SUCLG2: variants seen among roughly 807,000 people sequenced by gnomAD.
SUCLG2 encodes succinate-CoA ligase GDP-forming subunit beta, also known as succinate--CoA ligase [GDP-forming] subunit beta, mitochondrial.
A neutral mutation model predicts 47.9 loss-of-function variants in SUCLG2; 42 were observed. The observed-to-expected ratio is 0.88, with a 90% CI of 0.69 to 1.14. The LOEUF (loss-of-function observed/expected upper bound fraction) is 1.14, where lower values mean the gene tolerates loss of function less well. Among genes scored for constraint, SUCLG2 ranks in the 50% most tolerant of loss-of-function variants. SUCLG2 has a pLI of 0.00. For synonymous variants in SUCLG2, 195 were observed against 197.3 expected, an observed-to-expected ratio of 0.99 and a Z score of 0.10; for missense variants, 571 against 525.9, an observed-to-expected ratio of 1.09 and a Z score of -0.84.
At chr3:67,602,865 C>G (rs6548659) in intron 2 of SUCLG2, among the ~76,000 whole-genome samples, 71,323 of 151,954 alleles carry the variant, frequency 0.47, 17,350 homozygotes, top group African/African-American at 0.58. Flanking sequence ...AACTCTAGCT[C>G]AAATAAGCAT....
intron 9 of SUCLG2, among the ~76,000 whole-genome samples, chr3:67,437,503 G>A (rs768090001): frequency 2.0e-5 from 3 of 151,970 alleles, no homozygotes; most frequent in Non-Finnish European, 2.9e-5. Context: ...TTGGTAATAC[G>A]GCTTATTCAT....
chr3:67,451,295 C>T (rs1186759732), intron 9 of SUCLG2, among the ~76,000 whole-genome samples: 1 of 152,178 alleles, frequency 6.6e-6, no homozygotes, highest in Non-Finnish European at 1.5e-5. Flanking sequence ...GAGACATGCT[C>T]AAGTATTTTA....
chr3:67,530,160 T>C (rs1706363071), intron 2 of SUCLG2, among the ~76,000 whole-genome samples: 1 of 152,210 alleles, frequency 6.6e-6, no homozygotes, highest in Non-Finnish European at 1.5e-5. Flanking sequence ...TATACCAGAT[T>C]TAGAATCTGC....
intron 9 of SUCLG2, among the ~76,000 whole-genome samples, chr3:67,456,183 C>T (rs1455563703): frequency 6.6e-6 from 1 of 152,108 alleles, no homozygotes; most frequent in Non-Finnish European, 1.5e-5. Context: ...CGGGATTCAG[C>T]CTGGCCTTCC....
chr3:67,530,937 G>C (rs1465512977), intron 2 of SUCLG2, among the ~76,000 whole-genome samples: 1 of 152,184 alleles, frequency 6.6e-6, no homozygotes, highest in Non-Finnish European at 1.5e-5. Flanking sequence ...AGTAGTAAGA[G>C]CAAGGATATT....
intron 10 of SUCLG2, among the ~76,000 whole-genome samples, chr3:67,369,581 G>C (rs11719613): frequency 0.083 from 12,628 of 152,278 alleles, 667 homozygotes; most frequent in Middle Eastern, 0.14. Flanking sequence ...GAGGAAAGGA[G>C]AGGGTGGATG....
chr3:67,492,635 C>T (rs1250167816), intron 9 of SUCLG2, among the ~76,000 whole-genome samples: 1 of 152,036 alleles, frequency 6.6e-6, no homozygotes, highest in Non-Finnish European at 1.5e-5. Context: ...TCAAGCTCAG[C>T]TGGAAAATAA....
chr3:67,464,298 T>C (rs564301377), intron 9 of SUCLG2, among the ~76,000 whole-genome samples: 57 of 152,270 alleles, frequency 3.7e-4, no homozygotes, highest in African/African-American at 1.3e-3. Context: ...AACAGAAAAA[T>C]TCACAGCTCT....
rs1400436956 is a variant in SUCLG2 at position 67,518,377 on chromosome 3, A to T, written c.571-41T>A. On this transcript the variant is annotated intron_variant, in intron 5 of 10. Transcript: ENST00000307227. ...CAAATAAACAAAATTCAGACAGTCA[A>T]CTGAGAAGATTTACAACCTCAAAAG... 2.6e-6 allele frequency: 4 copies of T among 1,562,320 alleles called. No homozygotes were observed. In the South Asian group the frequency reaches 4.6e-5, roughly 18 times the overall value.
intron 10 of SUCLG2, among the ~76,000 whole-genome samples, chr3:67,382,218 A>C (rs1264681147): frequency 6.6e-6 from 1 of 152,196 alleles, no homozygotes; most frequent in Admixed American, 6.5e-5. Flanking sequence ...TCCTCAGAGC[A>C]ACCCTGCAGT....
intron 9 of SUCLG2, among the ~76,000 whole-genome samples, chr3:67,406,591 G>T (rs1050978770): frequency 6.6e-6 from 1 of 152,146 alleles, no homozygotes; most frequent in African/African-American, 2.4e-5. Flanking sequence ...ATGTATACAG[G>T]TGGAGGAACA....
At chr3:67,456,141 T>G (rs1445301607) in intron 9 of SUCLG2, among the ~76,000 whole-genome samples, 1 of 152,246 alleles carries the variant, frequency 6.6e-6, no homozygotes, top group Non-Finnish European at 1.5e-5. Context: ...TGGAATCATG[T>G]GATTGCTGTC....
chr3:67,628,125 A>G (rs1575828319), intron 1 of SUCLG2, among the ~76,000 whole-genome samples: 1 of 152,232 alleles, frequency 6.6e-6, no homozygotes, highest in Admixed American at 6.5e-5. Flanking sequence ...AAAAGCAGGA[A>G]TAGGAAGACA....
chr3:67,598,723 C>T (rs375764212), intron 2 of SUCLG2, among the ~76,000 whole-genome samples: 6 of 152,272 alleles, frequency 3.9e-5, no homozygotes, highest in South Asian at 2.1e-4. Context: ...CACTATTTAC[C>T]GTAACAGCAA....
At chr3:67,481,803 C>A (rs944395009) in intron 9 of SUCLG2, among the ~76,000 whole-genome samples, 11 of 152,232 alleles carry the variant, frequency 7.2e-5, no homozygotes, top group African/African-American at 2.4e-4. Context: ...AGGAAAGCCC[C>A]ATTGGAACCA....
intron 9 of SUCLG2, chr3:67,408,614 C>A: frequency 9.9e-7 from 1 of 1,008,356 alleles, no homozygotes; most frequent in South Asian, 4.5e-5. Context: ...GGAAATGGGT[C>A]TAATTAGACT....
Position 67,567,462 on chromosome 3 carries a change from G to GT in SUCLG2, c.227-38277dup, listed in dbSNP as rs529510865. ...AGGTGCACACCACCACACCTGGCTA[G>GT]TTTTTTTCGTTTTAACGTTTTGTCC... On this transcript the variant is annotated intron_variant, in intron 2 of 10. Transcript: ENST00000307227. Among the ~76,000 whole-genome samples the GT allele has an allele frequency of 3.2e-3, 493 of 151,968 alleles. 2 individuals carry two copies. The highest frequency in any genetic ancestry group is 0.011 in the African/African-American group (469 of 41,462).
intron 1 of SUCLG2, among the ~76,000 whole-genome samples, chr3:67,646,568 C>A: frequency 6.6e-6 from 1 of 151,726 alleles, no homozygotes; most frequent in Non-Finnish European, 1.5e-5. Flanking sequence ...GCACTCAAGC[C>A]TGGGCAAGAG....
chr3:67,471,562 C>A (rs1179418490), intron 9 of SUCLG2, among the ~76,000 whole-genome samples: 1 of 152,124 alleles, frequency 6.6e-6, no homozygotes, highest in Non-Finnish European at 1.5e-5. Context: ...ACAGAGAACT[C>A]TCCAGAAACG....
Sources: gnomAD v4.1 joint callset for allele counts (sites outside exome capture counted in the v4.1 genomes callset) on GRCh38, gnomAD v4.1.1 for gene constraint, MANE v1.5 for transcripts, NCBI Gene and HGNC (gene_info 2026-07-23, HGNC 2026-07-21) for gene names.